The following RAD23A variants were observed in gnomAD, a reference collection of about 807,000 sequenced individuals.
RAD23A encodes RAD23 nucleotide excision repair protein A, also known as lysine-specific demethylase RAD23A.
A neutral mutation model predicts 44.8 loss-of-function variants in RAD23A; 16 were observed. The observed-to-expected ratio is 0.36, with a 90% CI of 0.24 to 0.54. The LOEUF is 0.54. Among genes scored for constraint, RAD23A ranks in the 20% least tolerant of loss-of-function variants. The pLI, the probability that RAD23A is intolerant of heterozygous loss-of-function variation, is 0.89. For synonymous variants in RAD23A, 217 were observed against 202.9 expected (o/e 1.07, Z -0.59); for missense variants, 380 against 483.3 (o/e 0.79, Z 2.00).
rs1220112935 is a variant in RAD23A, at chr19:12,948,409, C to G, written c.416+51C>G. 1.9e-6 allele frequency: 3 copies of G among 1,545,812 alleles called. No individual in the cohort carries two copies. The East Asian group carries it at 6.8e-5, about 35-fold the overall frequency. ...TTGGGCCCTGTCCTCCTAGCACATT[C>G]CAGCGTCCACATAAGTGGTCCCACA... On this transcript the variant is annotated intron_variant, in intron 3 of 8. Transcript: ENST00000586534. The surrounding 1 kb of genome is among the most constrained non-coding windows in gnomAD (Gnocchi z 5.5).
intron 8 of RAD23A, 29 bp from the exon 9 acceptor site, chr19:12,952,907 C>T: frequency 6.2e-7 from 1 of 1,612,218 alleles, no homozygotes; most frequent in South Asian, 1.1e-5. Context: ...CTACCCTCTC[C>T]TGCTCACACT....
Position 12,948,181 on chromosome 19 carries a change from A to C in RAD23A, c.239A>C (p.Lys80Thr). 1.2e-6 allele frequency: 2 copies of C among 1,613,942 alleles called. No homozygotes were observed. The highest frequency in any genetic ancestry group is 1.7e-6 in the Non-Finnish European group (2 of 1,179,966). Residue 80 changes from lysine to threonine, a missense_variant, in exon 3 of 9, where the codon AAA (lysine) becomes ACA (threonine). This residue lies in a region of RAD23A where 279 missense variants were observed against 313.7 expected (regional missense o/e 0.89). Transcript: ENST00000586534. This position sits in a 1 kb window ranked among gnomAD's most constrained non-coding sequence, Gnocchi z 5.5. Reference sequence around the variant, plus strand: ...CCCTTTTTCTTGCTGTTGCAGACCAAAGCCGGCCAGGGTACCTCAGCACCC... The same window carrying C: ...CCCTTTTTCTTGCTGTTGCAGACCACAGCCGGCCAGGGTACCTCAGCACCC... ...NFVVVMVTKT[K>T]AGQGTSAPPE...
intron 7 of RAD23A, 54 bp from the exon 8 acceptor site, chr19:12,952,633 GGA>G: frequency 6.5e-7 from 1 of 1,530,324 alleles, no homozygotes; most frequent in South Asian, 1.1e-5. Flanking sequence ...GATGACCTGG[GGA>G]GAGGAGGGGA....
At position 12,948,119 on chromosome 19, in the gene RAD23A, C is replaced by T. The variant is rs551595649; in HGVS notation, c.235-58C>T. The T allele has an allele frequency of 3.0e-5, 49 of 1,609,434 alleles. No individual in the cohort carries two copies. The highest frequency in any genetic ancestry group is 4.5e-5 in the East Asian group (2 of 44,854). On this transcript the variant is annotated intron_variant, in intron 2 of 8. Transcript: ENST00000586534. This position sits in a 1 kb window ranked among gnomAD's most constrained non-coding sequence, Gnocchi z 5.5. ...TGAACAGGGCGGGGCCACAGCGGAGCGGGTTGTTGGGTCTGATAGGGTTGC... is the reference window on the plus strand; with the variant it reads ...TGAACAGGGCGGGGCCACAGCGGAGTGGGTTGTTGGGTCTGATAGGGTTGC...
At chr19:12,950,321 C>T (rs747869518) in intron 7 of RAD23A, among the ~76,000 whole-genome samples, 18 of 152,242 alleles carry the variant, frequency 1.2e-4, no homozygotes, top group Non-Finnish European at 1.9e-4. Context: ...CTCCAGCTCT[C>T]TGGTAGCCTC....
Position 12,949,353 on chromosome 19 carries a change from C to G in RAD23A, c.758C>G (p.Ala253Gly), listed in dbSNP as rs777277641. ...CGGCAGGTGATTCAGCAGAACCCTG[C>G]GCTGCTGCCCGCCCTGCTCCAGCAG... ...NMRQVIQQNP[A>G]LLPALLQQLG... The change falls in exon 7 of 9, where the codon GCG becomes GGG. Residue 253 changes from alanine to glycine, a missense_variant. Ala to Gly is a moderately conservative substitution (Grantham distance 60, BLOSUM62 0). Around this residue, in one of 3 missense-constraint regions of RAD23A, gnomAD observed 279 missense variants for 313.7 expected, o/e 0.89. Transcript: ENST00000586534. The G allele has an allele frequency of 6.2e-7, 1 of 1,614,004 alleles. No individual in the cohort carries two copies. Among genetic ancestry groups the G allele is most frequent in the Non-Finnish European group, 8.5e-7 (1 of 1,179,978 alleles).
At chr19:12,952,488 G>A (rs1971840747) in intron 7 of RAD23A, 7 of 606,660 alleles carry the variant, frequency 1.2e-5, no homozygotes, top group Admixed American at 6.7e-5. Context: ...CACCGTGCCC[G>A]GCTTATTTCT....
rs753433859 is a variant in RAD23A, at chr19:12,945,959, C to A, written c.11C>A (p.Thr4Asn). Reference sequence around the variant, plus strand: ...CGCTCGGGCCCCGCCATGGCCGTCACCATCACGCTCAAAACGCTGCAGCAG... The same window carrying A: ...CGCTCGGGCCCCGCCATGGCCGTCAACATCACGCTCAAAACGCTGCAGCAG... Reference protein sequence around the residue: MAVTITLKTLQQQT... With the variant: MAVNITLKTLQQQT... Residue 4 changes from threonine (T) to asparagine (N), a missense_variant, in exon 1 of 9, where the codon ACC becomes AAC. Around this residue, in one of 3 missense-constraint regions of RAD23A, gnomAD observed 70 missense variants for 106.0 expected, o/e 0.66. Coordinates refer to ENST00000586534, the MANE Select transcript of RAD23A (RefSeq NM_005053.4). 45 of 1,608,324 alleles carry A rather than the reference C, an allele frequency of 2.8e-5. No individual in the cohort carries two copies. The highest frequency in any genetic ancestry group is 3.8e-5 in the Non-Finnish European group (45 of 1,178,334).
rs768920124 is a variant in RAD23A at position 12,948,595 on chromosome 19, G to A, written c.472+43G>A. On this transcript the variant is annotated intron_variant, in intron 4 of 8. Coordinates refer to ENST00000586534, the MANE Select transcript of RAD23A (RefSeq NM_005053.4). The surrounding 1 kb of genome is among the most constrained non-coding windows in gnomAD (Gnocchi z 5.5). ...AGGGCAGAGGTGACTGGGTGCCCCA[G>A]CCATCAGCTGGGCCTTGTCTGGGTG... 122 of 1,574,336 alleles carry A rather than the reference G, an allele frequency of 7.7e-5. No homozygotes were observed. The Middle Eastern group carries it at 1.0e-3, about 13-fold the overall frequency.
At position 12,945,871 on chromosome 19, in the gene RAD23A, C is replaced by A; in HGVS notation, c.-78C>A. The A allele has an allele frequency of 6.6e-7, 1 of 1,505,712 alleles. No homozygotes were observed. Among genetic ancestry groups the A allele is most frequent in the East Asian group, 2.3e-5 (1 of 42,614 alleles). 93.3% of individuals were successfully genotyped at this position (1,505,712 alleles called of 1,614,324 possible). A position where few individuals can be genotyped will look rare whatever the true frequency, so the allele number is the denominator to read the frequency against. ...GTGGTCGGCGCGCGGCGCGGCGCGC[C>A]TGGGCGCTAAGATGGCGGCGGCGTG... is the stretch of plus-strand genomic sequence containing the variant. On this transcript the variant is annotated 5_prime_UTR_variant, in exon 1 of 9. In the 5' UTR this introduces an upstream ATG that the reference lacks. Transcript: ENST00000586534.
In RAD23A at chr19:12,948,133, T is replaced by A. The variant is rs774043957; in HGVS notation, c.235-44T>A. ...CCACAGCGGAGCGGGTTGTTGGGTC[T>A]GATAGGGTTGCTGATGCCAGCTCCC... On this transcript the variant is annotated intron_variant, in intron 2 of 8. Coordinates refer to ENST00000586534, the MANE Select transcript of RAD23A (RefSeq NM_005053.4). This position sits in a 1 kb window ranked among gnomAD's most constrained non-coding sequence, Gnocchi z 5.5. The A allele has an allele frequency of 6.2e-7, 1 of 1,612,664 alleles. No individual in the cohort carries two copies. Among genetic ancestry groups the A allele is most frequent in the Non-Finnish European group, 8.5e-7 (1 of 1,179,016 alleles).
Position 12,953,518 on chromosome 19 carries a change from C to G in RAD23A, c.*469C>G, listed in dbSNP as rs2146047819. 6.5e-6 allele frequency: 1 copy of G among 153,884 alleles called. No homozygotes were observed. The highest frequency in any genetic ancestry group is 1.9e-4 in the East Asian group (1 of 5,218). The allele number at this position is 153,884 out of a possible 1,614,324, so 9.5% of individuals were successfully genotyped here. A position where few individuals can be genotyped will look rare whatever the true frequency, so the allele number is the denominator to read the frequency against. ...CCTGAAAGGCCCAAGGCCCCCTCCC[C>G]AGTCTGGCCTTGGCCTCCAGCCTGG... On this transcript the variant is annotated 3_prime_UTR_variant, in exon 9 of 9. Coordinates refer to ENST00000586534, the MANE Select transcript of RAD23A (RefSeq NM_005053.4).
Position 12,948,898 on chromosome 19 carries a change from C to A in RAD23A, c.600+85C>A. On this transcript the variant is annotated intron_variant, in intron 5 of 8. Coordinates refer to ENST00000586534, the MANE Select transcript of RAD23A (RefSeq NM_005053.4). The surrounding 1 kb of genome is among the most constrained non-coding windows in gnomAD (Gnocchi z 5.5). ...CTGATGGGCGGTTGGGAAGGCAAAA[C>A]CTGCCCTGAAAAGCCTTTGGGTAGT... 6.4e-7 allele frequency: 1 copy of A among 1,550,514 alleles called. No individual in the cohort carries two copies. Among genetic ancestry groups the A allele is most frequent in the Non-Finnish European group, 8.7e-7 (1 of 1,148,440 alleles).
At chr19:12,947,718 T>A (rs1168393578) in intron 1 of RAD23A, 130 bp from the exon 2 acceptor site, 1 of 794,690 alleles carries the variant, frequency 1.3e-6, no homozygotes, top group Non-Finnish European at 2.1e-6. Flanking sequence ...ATGCTTTAGA[T>A]GCTGAGAAAG....
At position 12,948,459 on chromosome 19, in the gene RAD23A, A is replaced by C. The variant is rs971723628; in HGVS notation, c.417-38A>C. 6.4e-7 allele frequency: 1 copy of C among 1,554,456 alleles called. No homozygotes were observed. Among genetic ancestry groups the C allele is most frequent in the African/African-American group, 1.4e-5 (1 of 73,012 alleles). ...ACACCTGGAGGGAGGGCAAGCCGCC[A>C]GAAGCCAGGGTCCGATTTCTCTCTC... On this transcript the variant is annotated intron_variant, in intron 3 of 8. Coordinates refer to ENST00000586534, the MANE Select transcript of RAD23A (RefSeq NM_005053.4). This position sits in a 1 kb window ranked among gnomAD's most constrained non-coding sequence, Gnocchi z 5.5.
chr19:12,946,431 C>T (rs1416093374), intron 1 of RAD23A, among the ~76,000 whole-genome samples: 1 of 152,162 alleles, frequency 6.6e-6, no homozygotes, highest in Non-Finnish European at 1.5e-5. Context: ...TGAGTAGTGA[C>T]GACAACAACG....
chr19:12,950,608 A>G (rs932237869), intron 7 of RAD23A, among the ~76,000 whole-genome samples: 9 of 152,064 alleles, frequency 5.9e-5, no homozygotes, highest in African/African-American at 1.9e-4. Context: ...TCACCCTGTT[A>G]GCCAGGATGG....
chr19:12,948,426 G>A lies in RAD23A; in HGVS notation c.416+68G>A, dbSNP rs1030515102. On this transcript the variant is annotated intron_variant, in intron 3 of 8. Transcript: ENST00000586534. The surrounding 1 kb of genome is among the most constrained non-coding windows in gnomAD (Gnocchi z 5.5). ...AGCACATTCCAGCGTCCACATAAGT[G>A]GTCCCACACACCTGGAGGGAGGGCA... 10 of 1,543,222 alleles carry A rather than the reference G, an allele frequency of 6.5e-6. No homozygotes were observed. In the African/African-American group the frequency reaches 1.4e-4, roughly 21 times the overall value.
At chr19:12,949,236 C>T in intron 6 of RAD23A, 39 bp from the exon 7 acceptor site, 1 of 1,613,818 alleles carries the variant, frequency 6.2e-7, no homozygotes, top group Non-Finnish European at 8.5e-7. Context: ...CTCCTAGGAG[C>T]CCGGCGTGGT....
Sources: allele counts gnomAD v4.1 joint callset (sites outside exome capture counted in the v4.1 genomes callset), GRCh38; gene constraint gnomAD v4.1.1; regional missense constraint gnomAD v4.1.1; non-coding constraint Gnocchi (gnomAD v3.1); transcripts MANE v1.5; gene names NCBI Gene and HGNC (gene_info 2026-07-23, HGNC 2026-07-21).